Variants in PARN observed in about 807,000 individuals in gnomAD.
The protein encoded by PARN is poly(A)-specific ribonuclease PARN.
In PARN, 71 loss-of-function variants were observed where a neutral mutation model predicts 102.8. That is an observed-to-expected ratio of 0.69 (90% CI 0.57 to 0.84). The LOEUF (loss-of-function observed/expected upper bound fraction) is 0.84, where lower values mean the gene tolerates loss of function less well. Among genes scored for constraint, PARN ranks in the 40% least tolerant of loss-of-function variants. The probability of loss-of-function intolerance (pLI) is 0.00; values close to 1 mark genes in which losing one functional copy is unlikely to be tolerated. For missense variants in PARN, 782 were observed against 760.9 expected, an observed-to-expected ratio of 1.03 and a Z score of -0.33; for synonymous variants, 261 against 252.9, an observed-to-expected ratio of 1.03 and a Z score of -0.30.
chr16:14,492,289 C>T (rs1392500830), intron 21 of PARN, among the ~76,000 whole-genome samples: 2 of 152,074 alleles, frequency 1.3e-5, no homozygotes, highest in African/African-American at 2.4e-5. Flanking sequence ...TCCATGGCAG[C>T]GCCTGACCCA....
Position 14,555,706 on chromosome 16 carries a change from T to C in PARN, c.1266A>G (p.Leu422=). 1 of 1,471,044 alleles carries C rather than the reference T, an allele frequency of 6.8e-7. No homozygotes were observed. Among genetic ancestry groups the C allele is most frequent in the Non-Finnish European group, 9.2e-7 (1 of 1,082,034 alleles). 91.1% of individuals were successfully genotyped at this position (1,471,044 alleles called of 1,614,324 possible). The part of the protein sequence containing the change: ...SKLIEPFFNK[L]FLMRVMDIPY... Reference sequence around the variant, plus strand: ...GGATATCCATGACCCTCATAAGAAATAACCTACAAGAAGAAAAGACAAACA... The same window carrying C: ...GGATATCCATGACCCTCATAAGAAACAACCTACAAGAAGAAAAGACAAACA... The change falls in exon 19 of 24, where the codon TTA becomes TTG. Residue 422 remains leucine, a synonymous_variant. Coordinates refer to ENST00000437198, the MANE Select transcript of PARN (RefSeq NM_002582.4).
intron 21 of PARN, among the ~76,000 whole-genome samples, chr16:14,538,947 T>C (rs1966735152): frequency 6.6e-6 from 1 of 152,176 alleles, no homozygotes; most frequent in African/African-American, 2.4e-5. Flanking sequence ...CAGAATCTAA[T>C]GTCTGATGAT....
At chr16:14,509,049 TTAAAA>T (rs1965053378) in intron 21 of PARN, among the ~76,000 whole-genome samples, 1 of 152,056 alleles carries the variant, frequency 6.6e-6, no homozygotes, top group Non-Finnish European at 1.5e-5. Context: ...TCTGAAATAA[TTAAAA>T]TAACTCAGGT....
At chr16:14,471,889 T>C (rs899135261) in intron 22 of PARN, among the ~76,000 whole-genome samples, 3 of 152,260 alleles carry the variant, frequency 2.0e-5, no homozygotes, top group Non-Finnish European at 4.4e-5. Flanking sequence ...TGAAGCAAAT[T>C]GAAGCATGTA....
intron 3 of PARN, among the ~76,000 whole-genome samples, chr16:14,627,753 T>G (rs1972766468): frequency 6.6e-6 from 1 of 152,180 alleles, no homozygotes; most frequent in South Asian, 2.1e-4. Context: ...TTTGGGAGGC[T>G]AAAGCAGGAG....
At chr16:14,570,988 G>A (rs1399251026) in intron 18 of PARN, among the ~76,000 whole-genome samples, 1 of 151,320 alleles carries the variant, frequency 6.6e-6, no homozygotes, top group East Asian at 1.9e-4. Flanking sequence ...CTGTCTCAAG[G>A]GAAAGAAAAA....
intron 22 of PARN, among the ~76,000 whole-genome samples, chr16:14,476,273 A>G (rs1963046219): frequency 6.6e-6 from 1 of 152,264 alleles, no homozygotes; most frequent in African/African-American, 2.4e-5. Flanking sequence ...GCAGGTAAAC[A>G]ATGACTAATG....
intron 21 of PARN, among the ~76,000 whole-genome samples, chr16:14,498,734 A>G (rs1350175145): frequency 6.6e-6 from 1 of 152,178 alleles, no homozygotes; most frequent in African/African-American, 2.4e-5. Flanking sequence ...TCTCCAGACT[A>G]TGGGTTGCCT....
At chr16:14,580,550 G>C (rs1969466298) in intron 18 of PARN, among the ~76,000 whole-genome samples, 1 of 152,054 alleles carries the variant, frequency 6.6e-6, no homozygotes, top group Non-Finnish European at 1.5e-5. Flanking sequence ...GCCTCCCAAA[G>C]TGCTGGGATT....
chr16:14,474,854 C>T (rs1962950612), intron 22 of PARN, among the ~76,000 whole-genome samples: 1 of 152,214 alleles, frequency 6.6e-6, no homozygotes, highest in Non-Finnish European at 1.5e-5. Flanking sequence ...TGTGTAAGCA[C>T]TTTGACAAGG....
chr16:14,447,936 TTTTA>T (rs1447213572), intron 22 of PARN, among the ~76,000 whole-genome samples: 3 of 136,236 alleles, frequency 2.2e-5, no homozygotes, highest in South Asian at 2.5e-4. Context: ...TACTTTTAAA[TTTTA>T]TCTATCTATC....
At chr16:14,628,900 GA>G (rs958083212) in intron 2 of PARN, among the ~76,000 whole-genome samples, 20 of 152,104 alleles carry the variant, frequency 1.3e-4, no homozygotes, top group East Asian at 5.8e-4. Context: ...TAAAAAAGGG[GA>G]AAAAAAATTT....
At chr16:14,456,113 ATCTG>A (rs1961668394) in intron 22 of PARN, among the ~76,000 whole-genome samples, 2 of 151,790 alleles carry the variant, frequency 1.3e-5, no homozygotes, top group Admixed American at 1.3e-4. Flanking sequence ...TTGTTTCACT[ATCTG>A]TCTTTCCTTA....
At chr16:14,521,355 T>C (rs1277950936) in intron 21 of PARN, among the ~76,000 whole-genome samples, 1 of 152,172 alleles carries the variant, frequency 6.6e-6, no homozygotes, top group African/African-American at 2.4e-5. Flanking sequence ...GGTCCCTGCG[T>C]CACCCCATCC....
At chr16:14,625,531 CTT>C (rs1439463391) in intron 5 of PARN, among the ~76,000 whole-genome samples, 1 of 152,126 alleles carries the variant, frequency 6.6e-6, no homozygotes, top group Admixed American at 6.6e-5. Flanking sequence ...TATAAATACT[CTT>C]TAAGTATCCC....
intron 1 of PARN, 89 bp from the exon 2 acceptor site, chr16:14,629,763 T>A (rs1972916121): frequency 2.0e-6 from 2 of 998,048 alleles, no homozygotes; most frequent in African/African-American, 1.6e-5. Context: ...CTCCCGAGGC[T>A]GAGAGCCGGA....
At chr16:14,558,683 C>T (rs1008222992) in intron 18 of PARN, among the ~76,000 whole-genome samples, 28 of 151,898 alleles carry the variant, frequency 1.8e-4, no homozygotes, top group African/African-American at 6.5e-4. Context: ...TATTAAGCAA[C>T]CAAAATAACT....
At chr16:14,629,491 A>T in intron 2 of PARN, 106 bp downstream of exon 2, 1 of 821,812 alleles carries the variant, frequency 1.2e-6, no homozygotes. Flanking sequence ...AAGGCTACTA[A>T]CAGCAAGAGG....
intron 12 of PARN, among the ~76,000 whole-genome samples, chr16:14,595,546 T>C (rs1183736446): frequency 6.6e-6 from 1 of 151,956 alleles, no homozygotes; most frequent in African/African-American, 2.4e-5. Context: ...TTAATTTTTT[T>C]TTTTGAAATG....
Sources: allele counts gnomAD v4.1 joint callset (sites outside exome capture counted in the v4.1 genomes callset), GRCh38; gene constraint gnomAD v4.1.1; transcripts MANE v1.5; gene names NCBI Gene and HGNC (gene_info 2026-07-23, HGNC 2026-07-21).